The following CRPPA variants were observed in gnomAD, a reference collection of about 807,000 sequenced individuals.
The protein encoded by CRPPA is D-ribitol-5-phosphate cytidylyltransferase.
In CRPPA, 43 loss-of-function variants were observed where a neutral mutation model predicts 52.0. The ratio of observed to expected loss-of-function variants is 0.83; its 90% CI spans 0.65 to 1.07. The LOEUF (loss-of-function observed/expected upper bound fraction) is 1.07. Ranked by LOEUF, CRPPA falls within the 50% of genes least tolerant of loss-of-function variation. The probability of loss-of-function intolerance (pLI) is 0.00; values close to 1 mark genes in which losing one functional copy is unlikely to be tolerated. For missense variants in CRPPA, 629 were observed against 551.7 expected (o/e 1.14, Z -1.40); for synonymous variants, 250 against 203.5 (o/e 1.23, Z -1.94).
chr7:16,148,826 C>G (rs1430260451), intron 9 of CRPPA, among the ~76,000 whole-genome samples: 1 of 151,822 alleles, frequency 6.6e-6, no homozygotes, highest in Admixed American at 6.6e-5. Flanking sequence ...TTAAATGTTC[C>G]CAACACAAAG....
At chr7:16,384,227 A>T (rs2128313622) in intron 2 of CRPPA, among the ~76,000 whole-genome samples, 1 of 152,300 alleles carries the variant, frequency 6.6e-6, no homozygotes, top group Non-Finnish European at 1.5e-5. Flanking sequence ...AGGATGTGAG[A>T]GTAGAGAGCT....
At chr7:16,243,798 T>C (rs1783193360) in intron 8 of CRPPA, among the ~76,000 whole-genome samples, 1 of 152,044 alleles carries the variant, frequency 6.6e-6, no homozygotes, top group Non-Finnish European at 1.5e-5. Flanking sequence ...AGACCTCATC[T>C]CTACCAAAAA....
At chr7:16,212,148 G>A (rs547125206) in intron 9 of CRPPA, among the ~76,000 whole-genome samples, 9 of 152,160 alleles carry the variant, frequency 5.9e-5, no homozygotes, top group East Asian at 1.9e-4. Flanking sequence ...AAAAGAAAAC[G>A]TAGAATTCAG....
At position 16,254,888 on chromosome 7, in the gene CRPPA, G is replaced by C. The variant is rs532058036; in HGVS notation, c.1119+3502C>G. ...AAAGAAAGAGGCAGGCACAAGATAA[G>C]GATGCCCCCTCTCACCACTCCTATT... is the stretch of plus-strand genomic sequence containing the variant. On this transcript the variant is annotated intron_variant, in intron 8 of 9. Transcript: ENST00000407010. Among the ~76,000 whole-genome samples the C allele has an allele frequency of 6.8e-4, 104 of 152,050 alleles. No homozygotes were observed. In the South Asian group the frequency reaches 0.02, roughly 29 times the overall value.
At chr7:16,298,788 G>A (rs2128422279) in intron 5 of CRPPA, among the ~76,000 whole-genome samples, 1 of 152,308 alleles carries the variant, frequency 6.6e-6, no homozygotes, top group African/African-American at 2.4e-5. Context: ...CCTCACTGAA[G>A]TGTGGGAGCA....
chr7:16,380,420 A>G (rs995784120), intron 2 of CRPPA, among the ~76,000 whole-genome samples: 11 of 152,118 alleles, frequency 7.2e-5, no homozygotes, highest in African/African-American at 2.4e-4. Context: ...TTTTGCATCA[A>G]TGTTCATCAA....
intron 9 of CRPPA, among the ~76,000 whole-genome samples, chr7:16,161,914 G>A (rs1473192509): frequency 1.3e-5 from 2 of 152,156 alleles, no homozygotes; most frequent in Admixed American, 6.5e-5. Context: ...TTAGTCTTGG[G>A]AGGGTGCTAT....
chr7:16,231,019 C>A (rs1471931845), intron 8 of CRPPA, among the ~76,000 whole-genome samples: 3 of 152,156 alleles, frequency 2.0e-5, no homozygotes, highest in Non-Finnish European at 4.4e-5. Flanking sequence ...TCTAGAGGCT[C>A]AGTCTGCAGT....
At chr7:16,389,928 A>AAAAAAAAAAAAAAAAAAATATATAT in intron 2 of CRPPA, among the ~76,000 whole-genome samples, 2 of 29,758 alleles carry the variant, frequency 6.7e-5, no homozygotes, top group African/African-American at 1.7e-4. Context: ...AAAAAAAAAA[A>AAAAAAAAAAAAAAAAAAATATATAT]ATATATATAT....
intron 8 of CRPPA, among the ~76,000 whole-genome samples, chr7:16,251,613 A>G (rs186529954): frequency 1.2e-3 from 177 of 152,122 alleles, no homozygotes; most frequent in African/African-American, 3.8e-3. Context: ...TGAACAACCT[A>G]CTCCTGAATG....
At chr7:16,145,070 G>C (rs1179143014) in intron 9 of CRPPA, among the ~76,000 whole-genome samples, 1 of 152,114 alleles carries the variant, frequency 6.6e-6, no homozygotes, top group African/African-American at 2.4e-5. Flanking sequence ...AACCATAAGT[G>C]CCCCAGGAAT....
chr7:16,270,098 A>G (rs1207406811), intron 6 of CRPPA: 1 of 152,184 alleles, frequency 6.6e-6, no homozygotes, highest in Non-Finnish European at 1.5e-5. Context: ...GTGTAAAATC[A>G]AAAAATTTCC....
chr7:16,364,043 C>A (rs1472067086), intron 3 of CRPPA, among the ~76,000 whole-genome samples: 1 of 152,060 alleles, frequency 6.6e-6, no homozygotes, highest in Non-Finnish European at 1.5e-5. Context: ...ACTATCTTCA[C>A]AAATAAGAAA....
At chr7:16,322,394 C>G (rs1785283077) in intron 3 of CRPPA, among the ~76,000 whole-genome samples, 1 of 152,056 alleles carries the variant, frequency 6.6e-6, no homozygotes, top group South Asian at 2.1e-4. Flanking sequence ...AGGTACCACA[C>G]AAATGAGAAG....
intron 3 of CRPPA, among the ~76,000 whole-genome samples, chr7:16,341,786 T>C (rs1936048839): frequency 6.6e-6 from 1 of 152,216 alleles, no homozygotes; most frequent in South Asian, 2.1e-4. Context: ...TAGTGTTCCA[T>C]GTAACAGTCT....
chr7:16,109,258 G>C (rs1229600037), intron 9 of CRPPA, among the ~76,000 whole-genome samples: 5 of 151,676 alleles, frequency 3.3e-5, no homozygotes, highest in Admixed American at 1.3e-4. Context: ...AAAATACAAA[G>C]GGTAAGAGAC....
chr7:16,164,623 G>T lies in CRPPA; in HGVS notation c.1251+51443C>A, dbSNP rs1048171663. The stretch of plus-strand genomic sequence containing the variant: ...CGGACTTTTCAGCCTTTTTGCACTG[G>T]TTTTTCCTCATCTTCATGGATATAT... On this transcript the variant is annotated intron_variant, in intron 9 of 9. Transcript: ENST00000407010. Among the ~76,000 whole-genome samples, 4 of 152,202 alleles carry T rather than the reference G, an allele frequency of 2.6e-5. 1 individual carries two copies. In the South Asian group the frequency reaches 8.3e-4, roughly 32 times the overall value.
chr7:16,274,218 T>G (rs1432628162), intron 6 of CRPPA, among the ~76,000 whole-genome samples: 1 of 151,902 alleles, frequency 6.6e-6, no homozygotes, highest in Non-Finnish European at 1.5e-5. Flanking sequence ...CCCAGCTAAT[T>G]TTTTGTATTT....
At chr7:16,317,731 G>A (rs1344892434) in intron 3 of CRPPA, among the ~76,000 whole-genome samples, 1 of 152,146 alleles carries the variant, frequency 6.6e-6, no homozygotes, top group Non-Finnish European at 1.5e-5. Context: ...TGGGAGTGAG[G>A]TGCTTATTTC....
Sources: allele counts gnomAD v4.1 joint callset (sites outside exome capture counted in the v4.1 genomes callset), GRCh38; gene constraint gnomAD v4.1.1; transcripts MANE v1.5; gene names NCBI Gene and HGNC (gene_info 2026-07-23, HGNC 2026-07-21).